The following PXDNL variants were observed in gnomAD, a reference collection of about 807,000 sequenced individuals.
PXDNL encodes probable oxidoreductase PXDNL.
Under a neutral mutation model 150.8 loss-of-function variants are expected in PXDNL, and 145 were observed. That is an observed-to-expected ratio of 0.96 (90% confidence interval 0.84 to 1.10). PXDNL has a LOEUF of 1.10. Ranked by LOEUF, PXDNL falls within the 50% of genes least tolerant of loss-of-function variation. The pLI, the probability that PXDNL is intolerant of heterozygous loss-of-function variation, is 0.00. For synonymous variants in PXDNL, 757 were observed against 725.7 expected (o/e 1.04, Z -0.69); for missense variants, 2,087 against 1,873.9 (o/e 1.11, Z -2.10).
chr8:51,704,886 T>C (rs1816328692), intron 1 of PXDNL, among the ~76,000 whole-genome samples: 1 of 152,218 alleles, frequency 6.6e-6, no homozygotes, highest in South Asian at 2.1e-4. Flanking sequence ...GTCTGATGTA[T>C]GTAATATATA....
intron 4 of PXDNL, among the ~76,000 whole-genome samples, chr8:51,520,605 G>T (rs1487684725): frequency 2.0e-5 from 3 of 152,090 alleles, no homozygotes; most frequent in Non-Finnish European, 4.4e-5. Flanking sequence ...AGTGAGAAAA[G>T]CTCTAAGGAG....
intron 8 of PXDNL, among the ~76,000 whole-genome samples, chr8:51,461,461 A>AT (rs1296060300): frequency 2.0e-5 from 3 of 152,242 alleles, no homozygotes; most frequent in African/African-American, 7.2e-5. Flanking sequence ...AGCCACCAGG[A>AT]GACCTAGTCA....
At chr8:51,712,341 A>T (rs1816519592) in intron 1 of PXDNL, among the ~76,000 whole-genome samples, 1 of 152,200 alleles carries the variant, frequency 6.6e-6, no homozygotes, top group Non-Finnish European at 1.5e-5. Context: ...GCTAATTTTC[A>T]TTAGGCACAT....
chr8:51,420,988 T>A (rs1298553040), intron 14 of PXDNL, among the ~76,000 whole-genome samples: 2 of 152,220 alleles, frequency 1.3e-5, no homozygotes, highest in African/African-American at 2.4e-5. Context: ...GCACCCAGCC[T>A]GAATGTTTTA....
chr8:51,376,238 A>C (rs936998397), intron 17 of PXDNL, among the ~76,000 whole-genome samples: 1 of 152,212 alleles, frequency 6.6e-6, no homozygotes, highest in Non-Finnish European at 1.5e-5. Flanking sequence ...AAAATTCTCA[A>C]TGTCACCTGG....
Position 51,710,988 on chromosome 8 carries a change from G to GTA in PXDNL, c.165-56229_165-56228insTA, listed in dbSNP as rs1563514779. Among the ~76,000 whole-genome samples, 16 of 152,302 alleles carry GTA rather than the reference G, an allele frequency of 1.1e-4. No individual in the cohort carries two copies. The East Asian group carries it at 3.1e-3, about 29-fold the overall frequency. The stretch of plus-strand genomic sequence containing the variant: ...AAGAATGCCCACTCTCACCATATGT[G>GTA]TTCAACGTAGAACTGAAAATCCAGA... On this transcript the variant is annotated intron_variant, in intron 1 of 22. Coordinates refer to ENST00000356297, the MANE Select transcript of PXDNL (RefSeq NM_144651.5).
At chr8:51,582,177 G>A (rs1813225225) in intron 3 of PXDNL, among the ~76,000 whole-genome samples, 1 of 152,070 alleles carries the variant, frequency 6.6e-6, no homozygotes, top group Non-Finnish European at 1.5e-5. Flanking sequence ...AGTTAATGAG[G>A]TCATGGGTTG....
At chr8:51,388,786 A>G (rs1354260054) in intron 17 of PXDNL, among the ~76,000 whole-genome samples, 1 of 152,152 alleles carries the variant, frequency 6.6e-6, no homozygotes, top group Non-Finnish European at 1.5e-5. Flanking sequence ...CACTGAGTGA[A>G]TTCTTCAGAT....
chr8:51,626,073 G>A (rs1359151872), intron 2 of PXDNL, among the ~76,000 whole-genome samples: 1 of 152,098 alleles, frequency 6.6e-6, no homozygotes, highest in Non-Finnish European at 1.5e-5. Flanking sequence ...TAATTTTATT[G>A]GTATGCTAAA....
chr8:51,445,931 A>C (rs572633373), intron 12 of PXDNL, among the ~76,000 whole-genome samples: 67 of 151,682 alleles, frequency 4.4e-4, no homozygotes, highest in African/African-American at 1.6e-3. Context: ...TTGAGTTGCT[A>C]TTTTCATATC....
chr8:51,636,964 C>T (rs1190139916), intron 2 of PXDNL, among the ~76,000 whole-genome samples: 1 of 152,086 alleles, frequency 6.6e-6, no homozygotes, highest in Non-Finnish European at 1.5e-5. Context: ...ACTGACACCT[C>T]ACACGGCTGG....
chr8:51,372,749 C>T (rs1807164462), intron 18 of PXDNL, among the ~76,000 whole-genome samples: 1 of 152,148 alleles, frequency 6.6e-6, no homozygotes, highest in Admixed American at 6.5e-5. Flanking sequence ...AACATTAACA[C>T]GTTTGCCTAA....
At chr8:51,577,993 AAGAAAG>A (rs1813111147) in intron 3 of PXDNL, among the ~76,000 whole-genome samples, 1 of 51,378 alleles carries the variant, frequency 1.9e-5, no homozygotes, top group African/African-American at 7.5e-5. Flanking sequence ...GAAAGAAAGA[AAGAAAG>A]AGGAAGGAAG....
At chr8:51,537,489 C>T (rs1315162196) in intron 4 of PXDNL, among the ~76,000 whole-genome samples, 2 of 152,208 alleles carry the variant, frequency 1.3e-5, no homozygotes, top group Non-Finnish European at 2.9e-5. Context: ...AAAAACTGCA[C>T]TGCTTGAAGC....
At position 51,500,961 on chromosome 8, in the gene PXDNL, A is replaced by C. The variant is rs538404486; in HGVS notation, c.381-1191T>G. On this transcript the variant is annotated intron_variant, in intron 4 of 22. Transcript: ENST00000356297. Reference sequence around the variant, plus strand: ...CTTCATTCCTAGGCTTCCTTCTTATAAATCATTATTATAGTAAGAGTACTT... The same window carrying C: ...CTTCATTCCTAGGCTTCCTTCTTATCAATCATTATTATAGTAAGAGTACTT... Among the ~76,000 whole-genome samples the C allele has an allele frequency of 3.9e-5, 6 of 152,348 alleles. No individual in the cohort carries two copies. In the East Asian group the frequency reaches 9.7e-4, roughly 25 times the overall value.
At chr8:51,343,222 G>A (rs1806042383) in intron 20 of PXDNL, among the ~76,000 whole-genome samples, 1 of 151,896 alleles carries the variant, frequency 6.6e-6, no homozygotes, top group Non-Finnish European at 1.5e-5. Context: ...ATAAGTGCAA[G>A]TAAAATGGGC....
chr8:51,541,461 G>GGAACACAAATACTTT (rs11272605), intron 4 of PXDNL, among the ~76,000 whole-genome samples: 7,906 of 152,128 alleles, frequency 0.052, 495 homozygotes, highest in African/African-American at 0.15. Context: ...CACACTAGCT[G>GGAACACAAATACTTT]GTAGTAACAC....
chr8:51,338,910 C>T (rs1789605304), intron 21 of PXDNL, among the ~76,000 whole-genome samples: 1 of 152,156 alleles, frequency 6.6e-6, no homozygotes, highest in African/African-American at 2.4e-5. Flanking sequence ...TTCTTTGACT[C>T]TACTCCACGA....
At chr8:51,714,908 C>A (rs1319577325) in intron 1 of PXDNL, among the ~76,000 whole-genome samples, 1 of 152,114 alleles carries the variant, frequency 6.6e-6, no homozygotes, top group East Asian at 1.9e-4. Flanking sequence ...CTTCCTTCTA[C>A]CAAAGAATAA....
Sources: gnomAD v4.1 joint callset for allele counts (sites outside exome capture counted in the v4.1 genomes callset) on GRCh38, gnomAD v4.1.1 for gene constraint, MANE v1.5 for transcripts, NCBI Gene and HGNC (gene_info 2026-07-23, HGNC 2026-07-21) for gene names.